BMPR1B: variants seen among roughly 807,000 people sequenced by gnomAD.
The protein encoded by BMPR1B is bone morphogenetic protein receptor type 1B.
Under a neutral mutation model 59.1 loss-of-function variants are expected in BMPR1B, and 12 were observed. The ratio of observed to expected loss-of-function variants is 0.20; its 90% CI spans 0.13 to 0.33. BMPR1B has a LOEUF of 0.33. Ranked by LOEUF, BMPR1B falls within the 10% of genes least tolerant of loss-of-function variation. The pLI, the probability that BMPR1B is intolerant of heterozygous loss-of-function variation, is 1.00. For missense variants in BMPR1B, 550 were observed against 610.9 expected, an observed-to-expected ratio of 0.90 and a Z score of 1.05; for synonymous variants, 237 against 207.3, an observed-to-expected ratio of 1.14 and a Z score of -1.23.
chr4:94,908,093 A>AAAAAAAAAAAAAAAAAAAAAGAAAAAG (rs1553917473), intron 2 of BMPR1B, among the ~76,000 whole-genome samples: 1 of 118,710 alleles, frequency 8.4e-6, no homozygotes, highest in Non-Finnish European at 1.6e-5. Context: ...AAAAAAAAGA[A>AAAAAAAAAAAAAAAAAAAAAGAAAAAG]AAAACAAAAA....
At chr4:94,916,520 T>G (rs1211547577) in intron 2 of BMPR1B, among the ~76,000 whole-genome samples, 1 of 152,204 alleles carries the variant, frequency 6.6e-6, no homozygotes, top group Non-Finnish European at 1.5e-5. Flanking sequence ...AGTGATGACC[T>G]AGGGTATCTG....
At chr4:94,902,247 CACAGAGAGAGAGAG>C (rs1406465973) in intron 2 of BMPR1B, among the ~76,000 whole-genome samples, 926 of 84,668 alleles carry the variant, frequency 0.011, 8 homozygotes, top group African/African-American at 0.04. Context: ...CACACACACA[CACAGAGAGAGAGAG>C]AGAGAGAGAG....
chr4:95,131,014 G>A (rs1733312982), intron 9 of BMPR1B, among the ~76,000 whole-genome samples: 2 of 152,038 alleles, frequency 1.3e-5, no homozygotes, highest in Admixed American at 1.3e-4. Flanking sequence ...ACAGGTGTGA[G>A]CCACTGTGCC....
At chr4:95,025,345 T>C (rs1724279679) in intron 3 of BMPR1B, among the ~76,000 whole-genome samples, 1 of 152,162 alleles carries the variant, frequency 6.6e-6, no homozygotes, top group Admixed American at 6.5e-5. Flanking sequence ...TGTGGTCAGG[T>C]CATCTCTTTA....
At chr4:94,853,659 A>G (rs1486971720) in intron 1 of BMPR1B, among the ~76,000 whole-genome samples, 1 of 151,764 alleles carries the variant, frequency 6.6e-6, no homozygotes, top group African/African-American at 2.4e-5. Flanking sequence ...ATTTAGGGGG[A>G]GGGGAGGAAG....
chr4:94,841,336 C>A (rs1457791299), intron 1 of BMPR1B, among the ~76,000 whole-genome samples: 1 of 148,722 alleles, frequency 6.7e-6, no homozygotes, highest in African/African-American at 2.5e-5. Flanking sequence ...CAAGCCTGGG[C>A]AATGGCGGGC....
chr4:95,022,226 C>G lies in BMPR1B; in HGVS notation c.-18+26092C>G, dbSNP rs371028829. ...TACACCACCATATGGTTTTTAAAGG[C>G]CCACTTTGTTTTATTGGAAAGAAAA... On this transcript the variant is annotated intron_variant, in intron 3 of 12. Coordinates refer to ENST00000515059, the MANE Select transcript of BMPR1B (RefSeq NM_001203.3). Among the ~76,000 whole-genome samples, 13 of 152,228 alleles carry G rather than the reference C, an allele frequency of 8.5e-5. No homozygotes were observed. In the East Asian group the frequency reaches 2.1e-3, roughly 25 times the overall value.
chr4:94,792,516 TA>T (rs2110604816), intron 1 of BMPR1B, among the ~76,000 whole-genome samples: 1 of 152,154 alleles, frequency 6.6e-6, no homozygotes, highest in South Asian at 2.1e-4. Flanking sequence ...TTGCTTTTTT[TA>T]GTACTTTGAT....
chr4:94,920,620 C>T (rs1425519849), intron 2 of BMPR1B, among the ~76,000 whole-genome samples: 2 of 152,122 alleles, frequency 1.3e-5, no homozygotes, highest in Non-Finnish European at 2.9e-5. Flanking sequence ...GTCAAACACA[C>T]CAAGAGCGAG....
chr4:94,780,682 C>CTTTTTTTTTT (rs869117575), intron 1 of BMPR1B, among the ~76,000 whole-genome samples: 2 of 82,342 alleles, frequency 2.4e-5, no homozygotes, highest in Non-Finnish European at 4.4e-5. Flanking sequence ...GTATTATTGT[C>CTTTTTTTTTT]TTTTTTTTTT....
intron 2 of BMPR1B, among the ~76,000 whole-genome samples, chr4:94,956,894 G>A (rs986542705): frequency 6.6e-6 from 1 of 151,978 alleles, no homozygotes; most frequent in Non-Finnish European, 1.5e-5. Flanking sequence ...TATTACTTGT[G>A]ACATCAAAGA....
At chr4:95,060,861 A>T (rs1380399271) in intron 3 of BMPR1B, among the ~76,000 whole-genome samples, 2 of 152,138 alleles carry the variant, frequency 1.3e-5, no homozygotes, top group South Asian at 2.1e-4. Context: ...GCTGGAAAAG[A>T]TCTATGCCAG....
chr4:95,109,623 A>AT (rs905779901), intron 4 of BMPR1B, among the ~76,000 whole-genome samples: 19 of 151,996 alleles, frequency 1.3e-4, no homozygotes, highest in Non-Finnish European at 2.4e-4. Flanking sequence ...CTATTTAATT[A>AT]TTTTTTTCCA....
chr4:94,938,448 T>G (rs574244564), intron 2 of BMPR1B, among the ~76,000 whole-genome samples: 1 of 151,832 alleles, frequency 6.6e-6, no homozygotes, highest in East Asian at 2.0e-4. Flanking sequence ...TGAGCTGAGG[T>G]TGTACCACTG....
chr4:94,897,234 C>T (rs1222105964), intron 2 of BMPR1B, among the ~76,000 whole-genome samples: 1 of 152,032 alleles, frequency 6.6e-6, no homozygotes, highest in African/African-American at 2.4e-5. Context: ...CCCAGCTCTT[C>T]CTGCTTATAT....
At chr4:94,813,460 A>G (rs1723897241) in intron 1 of BMPR1B, among the ~76,000 whole-genome samples, 1 of 152,152 alleles carries the variant, frequency 6.6e-6, no homozygotes, top group Non-Finnish European at 1.5e-5. Flanking sequence ...CTGACATGTG[A>G]GGAGCAGCAG....
At chr4:94,901,269 T>C (rs1019732077) in intron 2 of BMPR1B, among the ~76,000 whole-genome samples, 1 of 151,956 alleles carries the variant, frequency 6.6e-6, no homozygotes, top group African/African-American at 2.4e-5. Flanking sequence ...ATCGAAAATA[T>C]CAGAATGCCT....
intron 3 of BMPR1B, among the ~76,000 whole-genome samples, chr4:95,059,703 A>G (rs865863384): frequency 2.3e-4 from 35 of 152,288 alleles, no homozygotes; most frequent in African/African-American, 6.0e-4. Flanking sequence ...AGATTTTCAT[A>G]TATTTCATCT....
At chr4:95,055,570 C>A (rs571280949) in intron 3 of BMPR1B, among the ~76,000 whole-genome samples, 1 of 152,102 alleles carries the variant, frequency 6.6e-6, no homozygotes, top group African/African-American at 2.4e-5. Flanking sequence ...GGCTATTAAT[C>A]GGCAGTAACT....
Sources: allele counts gnomAD v4.1 joint callset (sites outside exome capture counted in the v4.1 genomes callset), GRCh38; gene constraint gnomAD v4.1.1; transcripts MANE v1.5; gene names NCBI Gene and HGNC (gene_info 2026-07-23, HGNC 2026-07-21).